The following ZNF292 variants were observed in gnomAD, a reference collection of about 807,000 sequenced individuals.
ZNF292 encodes 16 zinc-finger domain protein.
ZNF292 carries 26 observed loss-of-function variants against 217.9 expected under a neutral mutation model. The observed-to-expected ratio is 0.12, with a 90% confidence interval of 0.09 to 0.17. ZNF292 has a LOEUF of 0.17. Among genes scored for constraint, ZNF292 ranks in the 10% least tolerant of loss-of-function variants. ZNF292 has a pLI of 1.00. For missense variants in ZNF292, 2,904 were observed against 3,175.2 expected (o/e 0.91, Z 2.05); for synonymous variants, 1,257 against 1,124.1 (o/e 1.12, Z -2.37).
At chr6:87,201,146 T>C (rs555744072) in intron 1 of ZNF292, among the ~76,000 whole-genome samples, 139 of 152,312 alleles carry the variant, frequency 9.1e-4, no homozygotes, top group African/African-American at 3.0e-3. Flanking sequence ...GGTAGACTTA[T>C]ATTTATATTA....
chr6:87,167,985 C>T (rs1007864188), intron 1 of ZNF292, among the ~76,000 whole-genome samples: 3 of 152,182 alleles, frequency 2.0e-5, no homozygotes, highest in African/African-American at 4.8e-5. Context: ...CTCAGACTGT[C>T]ATTGTCCAAA....
chr6:87,205,696 T>C (rs1582417650), intron 1 of ZNF292, among the ~76,000 whole-genome samples: 2 of 152,228 alleles, frequency 1.3e-5, no homozygotes, highest in East Asian at 3.8e-4. Flanking sequence ...CTTTTTTTCT[T>C]GACCAGCTTT....
At position 87,261,634 on chromosome 6, in the gene ZNF292, G is replaced by C; in HGVS notation, c.8005G>C (p.Val2669Leu). The C allele has an allele frequency of 1.2e-6, 2 of 1,611,680 alleles. No individual in the cohort carries two copies. The highest frequency in any genetic ancestry group is 1.7e-6 in the Non-Finnish European group (2 of 1,178,682). ...QLQCSDNVKI[V>L]LDKNLKDCTE... is the part of the protein sequence containing the mutation. Reference sequence around the variant, plus strand: ...TCAGTGCAGTGATAATGTAAAAATTGTTTTAGACAAGAATCTTAAAGATTG... The same window carrying C: ...TCAGTGCAGTGATAATGTAAAAATTCTTTTAGACAAGAATCTTAAAGATTG... Residue 2669 changes from valine (V) to leucine (L), a missense_variant, in exon 8 of 8, where the codon GTT (valine) becomes CTT (leucine). Coordinates refer to ENST00000369577, the MANE Select transcript of ZNF292 (RefSeq NM_015021.3).
intron 3 of ZNF292, among the ~76,000 whole-genome samples, chr6:87,217,067 A>G (rs534402913): frequency 2.9e-4 from 44 of 152,024 alleles, no homozygotes; most frequent in Non-Finnish European, 5.6e-4. Context: ...GTTAGTTAAA[A>G]AGAATGCTCC....
intron 1 of ZNF292, among the ~76,000 whole-genome samples, chr6:87,179,204 G>C (rs1168123049): frequency 7.6e-6 from 1 of 132,204 alleles, no homozygotes; most frequent in African/African-American, 2.9e-5. Flanking sequence ...CTGTCGCCCG[G>C]GCTGGAGTGC....
At position 87,247,288 on chromosome 6, in the gene ZNF292, C is replaced by T. The variant is rs1351513951; in HGVS notation, c.1020+1644C>T. 1.0e-4 allele frequency among the ~76,000 whole-genome samples: 10 copies of T among 99,674 alleles called. No individual in the cohort carries two copies. In the East Asian group the frequency reaches 1.3e-3, roughly 13 times the overall value. 65.4% of individuals were successfully genotyped at this position (99,674 alleles called of 152,430 possible). A position where few individuals can be genotyped will look rare whatever the true frequency, so the allele number is the denominator to read the frequency against. On this transcript the variant is annotated intron_variant, in intron 7 of 7. Coordinates refer to ENST00000369577, the MANE Select transcript of ZNF292 (RefSeq NM_015021.3). Reference sequence around the variant, plus strand: ...CACCCGCAACACACACACATGCGCACGCACGTGCATGCATGCATGCATGCA... The same window carrying T: ...CACCCGCAACACACACACATGCGCATGCACGTGCATGCATGCATGCATGCA...
At chr6:87,181,116 G>A (rs1461183723) in intron 1 of ZNF292, among the ~76,000 whole-genome samples, 1 of 152,158 alleles carries the variant, frequency 6.6e-6, no homozygotes, top group African/African-American at 2.4e-5. Flanking sequence ...ACGGCTTTGA[G>A]TGTTAATCAG....
In ZNF292 at chr6:87,259,869, G is replaced by T; in HGVS notation, c.6240G>T (p.Arg2080=). Reference sequence around the variant, plus strand: ...TCACAAACACACAAACCAAAGGACGGAAGATTAGGAGGCATAAAAAAGAAA... The same window carrying T: ...TCACAAACACACAAACCAAAGGACGTAAGATTAGGAGGCATAAAAAAGAAA... The part of the protein sequence containing the change: ...NALTNTQTKG[R]KIRRHKKEKE... Residue 2080 remains arginine (R), a synonymous_variant, in exon 8 of 8, where the codon CGG becomes CGT. Coordinates refer to ENST00000369577, the MANE Select transcript of ZNF292 (RefSeq NM_015021.3). 1 of 1,613,458 alleles carries T rather than the reference G, an allele frequency of 6.2e-7. No individual in the cohort carries two copies. The highest frequency in any genetic ancestry group is 2.2e-5 in the East Asian group (1 of 44,864).
At chr6:87,193,648 C>CA (rs1289424264) in intron 1 of ZNF292, among the ~76,000 whole-genome samples, 4 of 152,170 alleles carry the variant, frequency 2.6e-5, no homozygotes, top group Non-Finnish European at 5.9e-5. Flanking sequence ...CGTGCATACT[C>CA]AGATTCCCAC....
At chr6:87,184,691 C>A (rs568962468) in intron 1 of ZNF292, among the ~76,000 whole-genome samples, 1 of 152,170 alleles carries the variant, frequency 6.6e-6, no homozygotes, top group East Asian at 1.9e-4. Flanking sequence ...CACAACAGTC[C>A]ATCTGCAAGC....
At chr6:87,186,958 T>A (rs1771681156) in intron 1 of ZNF292, among the ~76,000 whole-genome samples, 2 of 152,148 alleles carry the variant, frequency 1.3e-5, no homozygotes, top group Non-Finnish European at 1.5e-5. Context: ...ATGGGATAAA[T>A]GAGGAGGGTA....
intron 1 of ZNF292, among the ~76,000 whole-genome samples, chr6:87,203,515 A>AT (rs565962865): frequency 3.4e-4 from 52 of 152,006 alleles, no homozygotes; most frequent in Non-Finnish European, 6.8e-4. Context: ...TTTAAAATGT[A>AT]TATTGCAACC....
At chr6:87,242,707 T>G (rs1194323602) in intron 5 of ZNF292, among the ~76,000 whole-genome samples, 1 of 152,222 alleles carries the variant, frequency 6.6e-6, no homozygotes, top group Non-Finnish European at 1.5e-5. Flanking sequence ...CCTTGTCTTA[T>G]AGCAGATGCT....
chr6:87,182,051 A>G (rs1364667176), intron 1 of ZNF292, among the ~76,000 whole-genome samples: 1 of 152,078 alleles, frequency 6.6e-6, no homozygotes, highest in Non-Finnish European at 1.5e-5. Context: ...TGTGCTTGAA[A>G]ACTGAAGATT....
chr6:87,238,362 T>C (rs1774003193), intron 5 of ZNF292, among the ~76,000 whole-genome samples: 1 of 151,924 alleles, frequency 6.6e-6, no homozygotes. Flanking sequence ...GGCACTAGCC[T>C]GTAATCCCAG....
chr6:87,220,229 C>G (rs895788803), intron 4 of ZNF292, among the ~76,000 whole-genome samples: 1 of 151,986 alleles, frequency 6.6e-6, no homozygotes, highest in African/African-American at 2.4e-5. Context: ...AGTTCTAGCA[C>G]CAAATTATAC....
intron 1 of ZNF292, among the ~76,000 whole-genome samples, chr6:87,177,078 A>C (rs1771325524): frequency 6.6e-6 from 1 of 151,908 alleles, no homozygotes; most frequent in African/African-American, 2.4e-5. Context: ...CTGTAATCCC[A>C]GCACTTTGGG....
chr6:87,256,693 G>C lies in ZNF292; in HGVS notation c.3064G>C (p.Glu1022Gln). The C allele has an allele frequency of 6.2e-7, 1 of 1,613,196 alleles. No individual in the cohort carries two copies. Among genetic ancestry groups the C allele is most frequent in the East Asian group, 2.2e-5 (1 of 44,882 alleles). ...AGGTGACCTTACCCCACAAAACTTAGAAAGACAAGTGAACAACTTGATGAC... is the reference window on the plus strand; with the variant it reads ...AGGTGACCTTACCCCACAAAACTTACAAAGACAAGTGAACAACTTGATGAC... ...KIGDLTPQNL[E>Q]RQVNNLMTFS... is the part of the protein sequence containing the mutation. The change falls in exon 8 of 8, where the codon GAA (glutamate) becomes CAA (glutamine). Residue 1022 changes from glutamate to glutamine, a missense_variant. This residue lies in a region of ZNF292 where 687 missense variants were observed against 623.0 expected (regional missense o/e 1.10). Transcript: ENST00000369577.
Position 87,262,958 on chromosome 6 carries a change from A to G in ZNF292, c.*1157A>G, listed in dbSNP as rs996655837. 6.6e-6 allele frequency: 1 copy of G among 152,044 alleles called. No homozygotes were observed. The highest frequency in any genetic ancestry group is 2.1e-4 in the South Asian group (1 of 4,836). 9.4% of individuals were successfully genotyped at this position (152,044 alleles called of 1,614,324 possible). ...ACATTTATAATTACATAGATAAAAC[A>G]CTTTCTATAAGGAAGTTGGATGTTT... is the stretch of plus-strand genomic sequence containing the variant. On this transcript the variant is annotated 3_prime_UTR_variant, in exon 8 of 8. Transcript: ENST00000369577.
Sources: allele counts gnomAD v4.1 joint callset (sites outside exome capture counted in the v4.1 genomes callset), GRCh38; gene constraint gnomAD v4.1.1; regional missense constraint gnomAD v4.1.1; transcripts MANE v1.5; gene names NCBI Gene and HGNC (gene_info 2026-07-23, HGNC 2026-07-21).